The following CECR2 variants were observed in gnomAD, a reference collection of about 807,000 sequenced individuals.
CECR2 encodes chromatin remodeling regulator CECR2.
Under a neutral mutation model 154.5 loss-of-function variants are expected in CECR2, and 30 were observed. That is an observed-to-expected ratio of 0.19 (90% CI 0.15 to 0.26). CECR2 has a LOEUF of 0.26. Among genes scored for constraint, CECR2 ranks in the 10% least tolerant of loss-of-function variants. The probability of loss-of-function intolerance (pLI) is 1.00; values close to 1 mark genes in which losing one functional copy is unlikely to be tolerated. For synonymous variants in CECR2, 725 were observed against 683.7 expected (o/e 1.06, Z -0.94); for missense variants, 1,743 against 1,829.3 (o/e 0.95, Z 0.86).
chr22:17,501,965 G>T (rs545501618), intron 5 of CECR2, among the ~76,000 whole-genome samples: 1 of 152,070 alleles, frequency 6.6e-6, no homozygotes, highest in Non-Finnish European at 1.5e-5. Context: ...TCTGGTTCAC[G>T]CTGGCCACGT....
intron 8 of CECR2, 54 bp downstream of exon 8, chr22:17,511,950 C>A: frequency 7.5e-7 from 1 of 1,335,922 alleles, no homozygotes; most frequent in Non-Finnish European, 1.0e-6. Context: ...AGAGACGGAT[C>A]CTTTTCATGT....
At chr22:17,370,428 G>C (rs1451595703) in intron 1 of CECR2, among the ~76,000 whole-genome samples, 1 of 151,612 alleles carries the variant, frequency 6.6e-6, no homozygotes, top group Non-Finnish European at 1.5e-5. Context: ...GGGGCTCCCG[G>C]AGGCCCCAAG....
At chr22:17,545,437 G>A (rs1429744112) in intron 16 of CECR2, among the ~76,000 whole-genome samples, 3 of 145,204 alleles carry the variant, frequency 2.1e-5, no homozygotes, top group African/African-American at 7.7e-5. Context: ...AACTAGGGGA[G>A]AAAATGGAAA....
chr22:17,382,956 G>A (rs184555315), intron 1 of CECR2, among the ~76,000 whole-genome samples: 31 of 147,336 alleles, frequency 2.1e-4, no homozygotes, highest in South Asian at 6.5e-4. Flanking sequence ...GGCCAGGCGC[G>A]GTGGCTCACG....
At chr22:17,448,386 A>C (rs1051569057) in intron 1 of CECR2, among the ~76,000 whole-genome samples, 2 of 152,216 alleles carry the variant, frequency 1.3e-5, no homozygotes, top group Admixed American at 6.6e-5. Context: ...AATTAATATA[A>C]TTTATCGTAT....
chr22:17,526,355 G>A lies in CECR2; in HGVS notation c.1108+2084G>A, dbSNP rs996573833. Among the ~76,000 whole-genome samples, 4 of 152,074 alleles carry A rather than the reference G, an allele frequency of 2.6e-5. No individual in the cohort carries two copies. The South Asian group carries it at 6.2e-4, about 24-fold the overall frequency. ...AGAATCCAGAAACAAGTCCACACAC[G>A]TACAGCGAACTCATTTTCAACACAC... On this transcript the variant is annotated intron_variant, in intron 9 of 18. Transcript: ENST00000262608.
intron 1 of CECR2, among the ~76,000 whole-genome samples, chr22:17,459,266 G>A (rs1601394309): frequency 6.6e-6 from 1 of 152,196 alleles, no homozygotes; most frequent in East Asian, 1.9e-4. Flanking sequence ...CCAGAGCAAA[G>A]ATGCAGTTTC....
Position 17,530,225 on chromosome 22 carries a change from CTGCTGTTGTTGT to C in CECR2, c.1108+5957_1108+5968del, listed in dbSNP as rs1390762882. Among the ~76,000 whole-genome samples the C allele has an allele frequency of 6.7e-5, 10 of 149,792 alleles. 1 individual carries two copies. In the South Asian group the frequency reaches 2.1e-3, roughly 31 times the overall value. ...TACATTACCCATACTTTTGTTGTTG[CTGCTGTTGTTGT>C]TGTTTTGAGACGGAGTGTCGCTCTG... On this transcript the variant is annotated intron_variant, in intron 9 of 18. Transcript: ENST00000262608.
At chr22:17,373,794 C>T (rs1298680293) in intron 1 of CECR2, among the ~76,000 whole-genome samples, 1 of 152,196 alleles carries the variant, frequency 6.6e-6, no homozygotes, top group African/African-American at 2.4e-5. Flanking sequence ...GAAGCTCTTA[C>T]CTGGCCTCCT....
intron 1 of CECR2, among the ~76,000 whole-genome samples, chr22:17,427,391 C>G (rs1384303443): frequency 6.6e-6 from 1 of 152,150 alleles, no homozygotes; most frequent in Non-Finnish European, 1.5e-5. Flanking sequence ...AATGGGATCA[C>G]TGAGTCAAAT....
intron 1 of CECR2, among the ~76,000 whole-genome samples, chr22:17,453,056 C>A (rs2054795929): frequency 6.6e-6 from 1 of 152,194 alleles, no homozygotes; most frequent in East Asian, 1.9e-4. Flanking sequence ...TTTCCCCTCA[C>A]ACCTCATGAC....
intron 9 of CECR2, among the ~76,000 whole-genome samples, chr22:17,525,662 A>G (rs555658137): frequency 1.3e-5 from 2 of 152,346 alleles, no homozygotes; most frequent in African/African-American, 4.8e-5. Context: ...GTGTCATACT[A>G]TGTAGTATAT....
At chr22:17,433,998 C>T (rs1043242024) in intron 1 of CECR2, among the ~76,000 whole-genome samples, 1 of 152,254 alleles carries the variant, frequency 6.6e-6, no homozygotes, top group South Asian at 2.1e-4. Flanking sequence ...GTTCCCTGGG[C>T]ATAAAACAGT....
At chr22:17,407,374 T>C (rs1433652742) in intron 1 of CECR2, among the ~76,000 whole-genome samples, 1 of 152,142 alleles carries the variant, frequency 6.6e-6, no homozygotes, top group African/African-American at 2.4e-5. Context: ...GGCGGGTGGA[T>C]CACCTGAGGT....
rs965349400 is a variant in CECR2, at chr22:17,504,912, G to A, written c.766G>A (p.Val256Ile). 2 of 1,613,732 alleles carry A rather than the reference G, an allele frequency of 1.2e-6. No individual in the cohort carries two copies. The highest frequency in any genetic ancestry group is 1.7e-6 in the Non-Finnish European group (2 of 1,179,860). Residue 256 changes from valine (V) to isoleucine (I), a missense_variant, in exon 7 of 19, where the codon GTC (valine) becomes ATC (isoleucine). Physicochemically the swap from Val to Ile is conservative, Grantham distance 29 (BLOSUM62 3). Around this residue, in one of 4 missense-constraint regions of CECR2, gnomAD observed 292 missense variants for 301.2 expected, o/e 0.97. Transcript: ENST00000262608. ...LCQTEEEWRQ[V>I]TESFRERTSL... is the part of the protein sequence containing the mutation. The stretch of plus-strand genomic sequence containing the variant: ...CCAGACAGAAGAGGAATGGAGACAG[G>A]TCACCGAGAGTTTTCGCGAGAGGAC...
At chr22:17,502,275 G>A (rs2055752894) in intron 5 of CECR2, among the ~76,000 whole-genome samples, 1 of 152,146 alleles carries the variant, frequency 6.6e-6, no homozygotes, top group African/African-American at 2.4e-5. Flanking sequence ...TCCCCCTTCG[G>A]AGCCCATGCT....
chr22:17,375,644 G>A (rs1601241583), intron 1 of CECR2, among the ~76,000 whole-genome samples: 1 of 152,060 alleles, frequency 6.6e-6, no homozygotes, highest in East Asian at 1.9e-4. Flanking sequence ...CTGAGGAGGT[G>A]AGTGATTTAA....
chr22:17,411,070 G>C (rs962202867), intron 1 of CECR2, among the ~76,000 whole-genome samples: 5 of 152,150 alleles, frequency 3.3e-5, no homozygotes, highest in Non-Finnish European at 7.3e-5. Context: ...TCATATTTAC[G>C]AGTTCTGTTT....
At chr22:17,381,254 T>C (rs1044116444) in intron 1 of CECR2, among the ~76,000 whole-genome samples, 2 of 152,260 alleles carry the variant, frequency 1.3e-5, no homozygotes, top group African/African-American at 4.8e-5. Context: ...TCTGAAAGAC[T>C]TTCCCCCCAT....
Sources: allele counts gnomAD v4.1 joint callset (sites outside exome capture counted in the v4.1 genomes callset), GRCh38; gene constraint gnomAD v4.1.1; regional missense constraint gnomAD v4.1.1; transcripts MANE v1.5; gene names NCBI Gene and HGNC (gene_info 2026-07-23, HGNC 2026-07-21).